The following UGP2 variants were observed in gnomAD, a reference collection of about 807,000 sequenced individuals.
UGP2 encodes the protein UTP--glucose-1-phosphate uridylyltransferase.
In UGP2, 40 loss-of-function variants were observed where a neutral mutation model predicts 49.0. The observed-to-expected ratio is 0.82, with a 90% CI of 0.63 to 1.06. UGP2 has a LOEUF of 1.06. UGP2 is among the 50% of genes least tolerant of loss of function. UGP2 has a pLI of 0.00. For missense variants in UGP2, 460 were observed against 603.5 expected, an observed-to-expected ratio of 0.76 and a Z score of 2.49; for synonymous variants, 225 against 213.0, an observed-to-expected ratio of 1.06 and a Z score of -0.49.
chr2:63,847,673 T>G (rs954596005), intron 1 of UGP2, among the ~76,000 whole-genome samples: 1 of 152,080 alleles, frequency 6.6e-6, no homozygotes, highest in Non-Finnish European at 1.5e-5. Context: ...GGTCACAAGG[T>G]GCTCAGTTGG....
chr2:63,891,450 G>A lies in UGP2; in HGVS notation c.*223G>A. 1 of 353,828 alleles carries A rather than the reference G, an allele frequency of 2.8e-6. No homozygotes were observed. The highest frequency in any genetic ancestry group is 5.1e-6 in the Non-Finnish European group (1 of 197,324). 21.9% of individuals were successfully genotyped at this position (353,828 alleles called of 1,614,324 possible). On this transcript the variant is annotated 3_prime_UTR_variant, in exon 10 of 10. Coordinates refer to ENST00000337130, the MANE Select transcript of UGP2 (RefSeq NM_006759.4). ...CCCAAAAGTTAGTTCATCTTAAAGT[G>A]CAATATTGTTTAATCTTAAAACTGG...
At chr2:63,889,976 C>A in intron 8 of UGP2, 105 bp from the exon 9 acceptor site, 7 of 842,504 alleles carry the variant, frequency 8.3e-6, no homozygotes, top group Non-Finnish European at 1.3e-5. Flanking sequence ...CTGAGCTTTG[C>A]CAAAAAAGGT....
chr2:63,884,123 A>T, intron 5 of UGP2, 30 bp downstream of exon 5: 2 of 1,608,602 alleles, frequency 1.2e-6, no homozygotes, highest in Non-Finnish European at 1.7e-6. Context: ...AACTCTGGGT[A>T]TGTTACTCCT....
intron 1 of UGP2, among the ~76,000 whole-genome samples, chr2:63,852,595 G>T (rs1037919047): frequency 1.3e-5 from 2 of 152,194 alleles, no homozygotes; most frequent in Non-Finnish European, 2.9e-5. Flanking sequence ...TATGATGGGG[G>T]TTGCAGCTTA....
intron 1 of UGP2, chr2:63,842,587 T>C: frequency 6.8e-7 from 1 of 1,481,300 alleles, no homozygotes; most frequent in Non-Finnish European, 9.0e-7. Flanking sequence ...GCGGGAGGAC[T>C]GAGAAAAGCC....
chr2:63,856,054 G>A (rs141720770), intron 1 of UGP2: 11 of 323,796 alleles, frequency 3.4e-5, no homozygotes, highest in African/African-American at 1.1e-4. Context: ...AAATGAAAAC[G>A]TCGATACAGG....
At chr2:63,878,195 C>T (rs989478503) in intron 3 of UGP2, among the ~76,000 whole-genome samples, 1 of 151,954 alleles carries the variant, frequency 6.6e-6, no homozygotes, top group African/African-American at 2.4e-5. Flanking sequence ...AGTGCTGTTC[C>T]ATCTTGTATG....
At chr2:63,875,654 T>C (rs1670860614) in intron 3 of UGP2, among the ~76,000 whole-genome samples, 1 of 152,250 alleles carries the variant, frequency 6.6e-6, no homozygotes, top group South Asian at 2.1e-4. Flanking sequence ...ATTAACTTTC[T>C]TTCACTTATC....
At chr2:63,866,014 CTGAAT>C (rs1206138828) in intron 3 of UGP2, among the ~76,000 whole-genome samples, 1 of 151,934 alleles carries the variant, frequency 6.6e-6, no homozygotes, top group Non-Finnish European at 1.5e-5. Context: ...TCTAAGAAAA[CTGAAT>C]TGAATGCTTT....
At chr2:63,856,136 G>A (rs1669401528) in intron 1 of UGP2, 170 bp from the exon 2 acceptor site, 26 of 694,818 alleles carry the variant, frequency 3.7e-5, no homozygotes, top group Non-Finnish European at 5.6e-5. Context: ...TGAAACTGGA[G>A]TGAAACGAGT....
At chr2:63,856,077 C>T (rs1669396878) in intron 1 of UGP2, 2 of 410,268 alleles carry the variant, frequency 4.9e-6, no homozygotes, top group Non-Finnish European at 8.6e-6. Context: ...AGTAGAGGCA[C>T]CTTGGAATTG....
At chr2:63,890,232 G>T in intron 9 of UGP2, 47 bp downstream of exon 9, 1 of 1,392,230 alleles carries the variant, frequency 7.2e-7, no homozygotes, top group South Asian at 1.3e-5. Flanking sequence ...TTACAATATA[G>T]GTCTCATTTT....
chr2:63,842,270 G>A (rs1278534458), intron 1 of UGP2, 66 bp downstream of exon 1: 1 of 1,608,712 alleles, frequency 6.2e-7, no homozygotes, highest in Admixed American at 1.7e-5. Flanking sequence ...CAGTGGAGAG[G>A]TTGGTGGGTG....
At chr2:63,847,031 T>C (rs1671981551) in intron 1 of UGP2, among the ~76,000 whole-genome samples, 1 of 152,234 alleles carries the variant, frequency 6.6e-6, no homozygotes, top group Non-Finnish European at 1.5e-5. Flanking sequence ...CCTTGTAATC[T>C]CTGTGGTTAA....
intron 3 of UGP2, among the ~76,000 whole-genome samples, chr2:63,873,527 T>TA (rs1474486576): frequency 1.3e-5 from 2 of 152,176 alleles, no homozygotes; most frequent in Non-Finnish European, 2.9e-5. Flanking sequence ...TCCATTTTTT[T>TA]ATCTTCGCAA....
intron 3 of UGP2, among the ~76,000 whole-genome samples, chr2:63,866,800 G>C (rs1055000614): frequency 6.6e-6 from 1 of 152,156 alleles, no homozygotes; most frequent in African/African-American, 2.4e-5. Context: ...TAAGATGCTG[G>C]AAAACACAGG....
chr2:63,889,045 G>C (rs1378425247), intron 8 of UGP2: 1 of 152,166 alleles, frequency 6.6e-6, no homozygotes, highest in Non-Finnish European at 1.5e-5. Context: ...AACTATGAAT[G>C]CATGTGTCCT....
At chr2:63,842,618 G>C in intron 1 of UGP2, 2 of 1,445,278 alleles carry the variant, frequency 1.4e-6, no homozygotes, top group Non-Finnish European at 1.8e-6. Context: ...TGCCGGGACT[G>C]TTGGGGAAGC....
At chr2:63,860,762 ATT>A (rs556819048) in intron 3 of UGP2, among the ~76,000 whole-genome samples, 57 of 123,684 alleles carry the variant, frequency 4.6e-4, no homozygotes, top group Admixed American at 3.1e-3. Flanking sequence ...GGCCCAGCTA[ATT>A]TTTTTTTTTT....
Sources: allele counts gnomAD v4.1 joint callset (sites outside exome capture counted in the v4.1 genomes callset), GRCh38; gene constraint gnomAD v4.1.1; transcripts MANE v1.5; gene names NCBI Gene and HGNC (gene_info 2026-07-23, HGNC 2026-07-21).